The following SCAMP4 variants were observed in gnomAD, a reference collection of about 807,000 sequenced individuals.
SCAMP4 encodes the protein secretory carrier-associated membrane protein 4.
Under a neutral mutation model 32.1 loss-of-function variants are expected in SCAMP4, and 19 were observed. That is an observed-to-expected ratio of 0.59 (90% CI 0.41 to 0.87). SCAMP4 has a LOEUF of 0.87. SCAMP4 is among the 40% of genes least tolerant of loss of function. The pLI is 0.00. For synonymous variants in SCAMP4, 152 were observed against 132.7 expected (o/e 1.15, Z -1.00); for missense variants, 302 against 309.0 (o/e 0.98, Z 0.17).
chr19:1,912,340 G>A, intron 1 of SCAMP4: 3 of 1,533,958 alleles, frequency 2.0e-6, no homozygotes, highest in Non-Finnish European at 2.6e-6. Flanking sequence ...CGGCCCAGCC[G>A]CGATGCCGGC....
chr19:1,917,834 T>C lies in SCAMP4; in HGVS notation c.136+12T>C. 6.2e-7 allele frequency: 1 copy of C among 1,613,562 alleles called. No individual in the cohort carries two copies. Among genetic ancestry groups the C allele is most frequent in the Non-Finnish European group, 8.5e-7 (1 of 1,179,776 alleles). On this transcript the variant is annotated intron_variant, in intron 3 of 6. Coordinates refer to ENST00000316097, the MANE Select transcript of SCAMP4 (RefSeq NM_079834.4). Reference sequence around the variant, plus strand: ...CCGGCTGTGGATGTGTGAGTGCGCCTGGGGGCAGGAGGCGGGAAGCGGGAG... The same window carrying C: ...CCGGCTGTGGATGTGTGAGTGCGCCCGGGGGCAGGAGGCGGGAAGCGGGAG...
intron 5 of SCAMP4, chr19:1,919,621 C>T (rs567509699): frequency 7.9e-4 from 186 of 236,450 alleles, no homozygotes; most frequent in African/African-American, 3.7e-3. Context: ...CTCAGCCTCC[C>T]GAGTAGCTGG....
chr19:1,913,717 C>T (rs920162922), intron 1 of SCAMP4, among the ~76,000 whole-genome samples: 4 of 152,228 alleles, frequency 2.6e-5, no homozygotes, highest in African/African-American at 9.6e-5. Context: ...CCTGGGATTT[C>T]GTGTCCTTCA....
chr19:1,909,231 G>C (rs958387647), intron 1 of SCAMP4, among the ~76,000 whole-genome samples: 16 of 152,156 alleles, frequency 1.1e-4, no homozygotes, highest in Admixed American at 1.0e-3. Flanking sequence ...GTGGTTTGGG[G>C]GTGTTCAGGT....
chr19:1,915,878 G>A (rs995687210), intron 2 of SCAMP4, among the ~76,000 whole-genome samples: 7 of 151,472 alleles, frequency 4.6e-5, no homozygotes, highest in African/African-American at 1.5e-4. Flanking sequence ...CCCGGGAGGC[G>A]GAGCTTGCAG....
At chr19:1,920,304 G>T in intron 5 of SCAMP4, 2 of 985,274 alleles carry the variant, frequency 2.0e-6, no homozygotes, top group Non-Finnish European at 1.2e-6. Flanking sequence ...GCAAGCTCCT[G>T]TTCTGGGGTT....
chr19:1,915,605 A>G (rs1385663153), intron 2 of SCAMP4: 3 of 159,946 alleles, frequency 1.9e-5, no homozygotes, highest in Admixed American at 1.7e-4. Flanking sequence ...GTTAAGATAA[A>G]GTACTGGAGC....
chr19:1,916,217 G>C (rs1217861366), intron 2 of SCAMP4, among the ~76,000 whole-genome samples: 3 of 151,436 alleles, frequency 2.0e-5, no homozygotes. Flanking sequence ...CAGCCTGGGT[G>C]ACAGAGTGAG....
intron 5 of SCAMP4, chr19:1,921,154 CGA>C (rs1255913397): frequency 9.1e-6 from 9 of 985,286 alleles, no homozygotes; most frequent in Admixed American, 6.1e-5. Context: ...TGCTGTGGGG[CGA>C]GAGGGGACAG....
intron 1 of SCAMP4, among the ~76,000 whole-genome samples, chr19:1,913,985 C>T (rs2013637647): frequency 6.6e-6 from 1 of 152,134 alleles, no homozygotes; most frequent in Non-Finnish European, 1.5e-5. Context: ...GGCCAGGAGC[C>T]CGCCAGGCCT....
intron 2 of SCAMP4, 131 bp downstream of exon 2, chr19:1,915,157 G>A (rs1284271438): frequency 9.4e-6 from 10 of 1,066,686 alleles, no homozygotes; most frequent in African/African-American, 3.1e-5. Flanking sequence ...CTGACTCCTC[G>A]GGTCCCGTAG....
intron 1 of SCAMP4, chr19:1,913,390 C>A: frequency 1.6e-6 from 1 of 622,936 alleles, no homozygotes; most frequent in Non-Finnish European, 2.8e-6. Flanking sequence ...GTTTGTGTCC[C>A]CTCTGTCTCG....
chr19:1,912,229 C>T, intron 1 of SCAMP4: 1 of 1,595,732 alleles, frequency 6.3e-7, no homozygotes, highest in Non-Finnish European at 8.5e-7. Flanking sequence ...CTGGTGCTGG[C>T]CTACGCCGCG....
chr19:1,921,789 G>A, intron 5 of SCAMP4: 5 of 984,896 alleles, frequency 5.1e-6, no homozygotes, highest in Non-Finnish European at 6.0e-6. Context: ...AGACTGGCCT[G>A]GGCAACATAG....
At position 1,917,904 on chromosome 19, in the gene SCAMP4, CCGT is replaced by C. The variant is rs1195271180; in HGVS notation, c.136+85_136+87del. On this transcript the variant is annotated intron_variant, in intron 3 of 6. Coordinates refer to ENST00000316097, the MANE Select transcript of SCAMP4 (RefSeq NM_079834.4). ...GGAGTGGCATTCAGGCAGGGGCAGC[CCGT>C]CGGGGGCCCACCGTCTACTGAAGCC... 3.2e-6 allele frequency: 5 copies of C among 1,561,338 alleles called. No individual in the cohort carries two copies. In the Admixed American group the frequency reaches 6.9e-5, roughly 21 times the overall value.
intron 6 of SCAMP4, among the ~76,000 whole-genome samples, chr19:1,923,640 A>G: frequency 3.1e-5 from 1 of 32,230 alleles, no homozygotes; most frequent in Non-Finnish European, 4.6e-5. Context: ...TTTTTTTTAG[A>G]CAGAGTCTCG....
chr19:1,919,777 G>A lies in SCAMP4; in HGVS notation c.395+787G>A, dbSNP rs187618088. On this transcript the variant is annotated intron_variant, in intron 5 of 6. Coordinates refer to ENST00000316097, the MANE Select transcript of SCAMP4 (RefSeq NM_079834.4). The stretch of plus-strand genomic sequence containing the variant: ...GCCTCCCAAAGTGCTAGGATTACAG[G>A]TGTGAGCCACTGCACCCGGCCCTTT... Among the ~76,000 whole-genome samples the A allele has an allele frequency of 4.8e-4, 73 of 151,772 alleles. 1 individual carries two copies. The highest frequency in any genetic ancestry group is 8.1e-4 in the Non-Finnish European group (55 of 67,944).
At position 1,908,629 on chromosome 19, in the gene SCAMP4, C is replaced by T. The variant is rs746436145; in HGVS notation, c.-42+3190C>T. The T allele has an allele frequency of 4.3e-6, 2 of 468,724 alleles. No homozygotes were observed. The highest frequency in any genetic ancestry group is 3.1e-5 in the South Asian group (2 of 64,124). 29.0% of individuals were successfully genotyped at this position (468,724 alleles called of 1,614,324 possible). On this transcript the variant is annotated intron_variant, in intron 1 of 6. Coordinates refer to ENST00000316097, the MANE Select transcript of SCAMP4 (RefSeq NM_079834.4). The surrounding 1 kb of genome is among the most constrained non-coding windows in gnomAD (Gnocchi z 4.2). Reference sequence around the variant, plus strand: ...ACTGTCTGCTAGAAATAACTGTGAGCACACAGGTAGTAAGGTTTTTAGGAT... The same window carrying T: ...ACTGTCTGCTAGAAATAACTGTGAGTACACAGGTAGTAAGGTTTTTAGGAT...
intron 6 of SCAMP4, 29 bp downstream of exon 6, chr19:1,923,216 C>A: frequency 6.6e-7 from 1 of 1,517,404 alleles, no homozygotes; most frequent in South Asian, 1.2e-5. Flanking sequence ...GACGTCCAGC[C>A]CTTACCCCTT....
Sources: gnomAD v4.1 joint callset for allele counts (sites outside exome capture counted in the v4.1 genomes callset) on GRCh38, gnomAD v4.1.1 for gene constraint, Gnocchi (gnomAD v3.1) non-coding constraint, MANE v1.5 for transcripts, NCBI Gene and HGNC (gene_info 2026-07-23, HGNC 2026-07-21) for gene names.